The following FOCAD variants were observed in gnomAD, a reference collection of about 807,000 sequenced individuals.
FOCAD encodes focadhesin, also known as KIAA1797.
In FOCAD, 198 loss-of-function variants were observed where a neutral mutation model predicts 225.6. That is an observed-to-expected ratio of 0.88 (90% CI 0.78 to 0.99). The LOEUF (loss-of-function observed/expected upper bound fraction) is 0.99, where lower values mean the gene tolerates loss of function less well. Ranked by LOEUF, FOCAD falls within the 50% of genes least tolerant of loss-of-function variation. The pLI is 0.00. For missense variants in FOCAD, 2,713 were observed against 2,123.6 expected (o/e 1.28, Z -5.46); for synonymous variants, 897 against 755.0 (o/e 1.19, Z -3.08).
At position 20,699,333 on chromosome 9, in the gene FOCAD, C is replaced by T. The variant is rs542674272; in HGVS notation, c.-33+15040C>T. ...TGTAAGTTGCTGGTCTTTGGAGTGG[C>T]TGTTGCTGTTCATCTAGTTGGTCAT... is the stretch of plus-strand genomic sequence containing the variant. On this transcript the variant is annotated intron_variant, in intron 1 of 43. Transcript: ENST00000338382. Among the ~76,000 whole-genome samples the T allele has an allele frequency of 4.6e-5, 7 of 152,156 alleles. No homozygotes were observed. In the South Asian group the frequency reaches 1.5e-3, roughly 32 times the overall value.
At chr9:20,892,822 T>C (rs1831736022) in intron 21 of FOCAD, among the ~76,000 whole-genome samples, 1 of 152,152 alleles carries the variant, frequency 6.6e-6, no homozygotes, top group Non-Finnish European at 1.5e-5. Flanking sequence ...GAGAAATCTT[T>C]TGTGAAAGGA....
At chr9:20,875,340 T>A (rs1229332025) in intron 19 of FOCAD, 5 of 152,952 alleles carry the variant, frequency 3.3e-5, no homozygotes, top group African/African-American at 1.2e-4. Context: ...TATAGGGCCT[T>A]TATCTTTTAA....
chr9:20,758,137 G>C lies in FOCAD; in HGVS notation c.440G>C (p.Cys147Ser). 1 of 1,612,512 alleles carries C rather than the reference G, an allele frequency of 6.2e-7. No homozygotes were observed. Among genetic ancestry groups the C allele is most frequent in the Non-Finnish European group, 8.5e-7 (1 of 1,179,340 alleles). The change falls in exon 6 of 44, where the codon TGC becomes TCC. Residue 147 changes from cysteine to serine, a missense_variant. Physicochemically the swap from Cys to Ser is moderately radical, Grantham distance 112. Coordinates refer to ENST00000338382, the MANE Select transcript of FOCAD (RefSeq NM_001375567.1). Reference sequence around the variant, plus strand: ...ACTGTGCTTGAACACAGACCTGATTGCTGGCCAGTGTTTTTGCAGCAGCTG... The same window carrying C: ...ACTGTGCTTGAACACAGACCTGATTCCTGGCCAGTGTTTTTGCAGCAGCTG... Reference protein sequence around the residue: ...LITVLEHRPDCWPVFLQQLTA... With the variant: ...LITVLEHRPDSWPVFLQQLTA...
intron 26 of FOCAD, chr9:20,929,115 G>A (rs568167919): frequency 1.1e-4 from 44 of 410,882 alleles, no homozygotes; most frequent in South Asian, 1.0e-3. Context: ...AAAGGAAGAC[G>A]CTTGTAATTT....
intron 5 of FOCAD, among the ~76,000 whole-genome samples, chr9:20,752,544 C>A (rs1417313464): frequency 6.6e-6 from 1 of 152,122 alleles, no homozygotes; most frequent in Non-Finnish European, 1.5e-5. Context: ...CAGTACCATG[C>A]TGTTTTGGTT....
chr9:20,944,753 C>T lies in FOCAD; in HGVS notation c.3534C>T (p.Ser1178=). The T allele has an allele frequency of 6.2e-7, 1 of 1,613,260 alleles. No individual in the cohort carries two copies. Among genetic ancestry groups the T allele is most frequent in the African/African-American group, 1.3e-5 (1 of 75,012 alleles). Residue 1178 remains serine (S), a synonymous_variant, in exon 29 of 44, where the codon AGC becomes AGT. Transcript: ENST00000338382. Reference sequence around the variant, plus strand: ...CTGCGCACGTAGATGACAGCGGGAGCCAGAGCAGAACGTTTCAGGAGGTAA... The same window carrying T: ...CTGCGCACGTAGATGACAGCGGGAGTCAGAGCAGAACGTTTCAGGAGGTAA... ...KLSAHVDDSG[S]QSRTFQEVLA...
intron 1 of FOCAD, among the ~76,000 whole-genome samples, chr9:20,686,716 A>G (rs1480233251): frequency 1.3e-5 from 2 of 152,208 alleles, no homozygotes; most frequent in Non-Finnish European, 1.5e-5. Context: ...TGAGAAATCT[A>G]TAGATCTAGA....
At chr9:20,950,897 A>T in intron 33 of FOCAD, 99 bp from the exon 34 acceptor site, 1 of 992,462 alleles carries the variant, frequency 1.0e-6, no homozygotes, top group Non-Finnish European at 1.6e-6. Flanking sequence ...CAGCCAAGCC[A>T]CCACCTCCTA....
intron 22 of FOCAD, among the ~76,000 whole-genome samples, chr9:20,909,986 A>C (rs919704201): frequency 3.9e-5 from 6 of 152,204 alleles, no homozygotes; most frequent in African/African-American, 1.4e-4. Flanking sequence ...AAATGCACTA[A>C]AAGGTAGATT....
chr9:20,906,262 T>C (rs1832972235), intron 21 of FOCAD, among the ~76,000 whole-genome samples: 1 of 152,052 alleles, frequency 6.6e-6, no homozygotes, highest in African/African-American at 2.4e-5. Context: ...CAATAAAATG[T>C]CCTTAAACAC....
intron 21 of FOCAD, among the ~76,000 whole-genome samples, chr9:20,902,495 G>T (rs1832636203): frequency 6.6e-6 from 1 of 151,852 alleles, no homozygotes; most frequent in Non-Finnish European, 1.5e-5. Flanking sequence ...AATTCTAAAA[G>T]ACTTTGAACA....
At chr9:20,936,120 CT>C (rs774820805) in intron 28 of FOCAD, among the ~76,000 whole-genome samples, 48 of 152,192 alleles carry the variant, frequency 3.2e-4, no homozygotes, top group Non-Finnish European at 5.9e-4. Flanking sequence ...GTTTTTTAGA[CT>C]TCCATGCGTT....
chr9:20,793,466 T>C (rs1322929743), intron 11 of FOCAD, among the ~76,000 whole-genome samples: 1 of 152,158 alleles, frequency 6.6e-6, no homozygotes, highest in African/African-American at 2.4e-5. Context: ...TGGGCGTTAG[T>C]GTTGGGCTGT....
chr9:20,774,238 G>A (rs1587113515), intron 8 of FOCAD, among the ~76,000 whole-genome samples: 1 of 152,166 alleles, frequency 6.6e-6, no homozygotes, highest in South Asian at 2.1e-4. Context: ...TCTGTTCAAA[G>A]GTAGTTAGCT....
intron 24 of FOCAD, among the ~76,000 whole-genome samples, chr9:20,921,517 T>G (rs1319835839): frequency 6.6e-6 from 1 of 152,204 alleles, no homozygotes; most frequent in Non-Finnish European, 1.5e-5. Context: ...TAGTATGTAT[T>G]GAGTACCTTC....
chr9:20,905,979 A>T (rs1342610726), intron 21 of FOCAD, among the ~76,000 whole-genome samples: 1 of 150,982 alleles, frequency 6.6e-6, no homozygotes, highest in Non-Finnish European at 1.5e-5. Context: ...AGTAATAGAT[A>T]GCAGTAAGAA....
chr9:20,886,718 A>G (rs1432401359), intron 21 of FOCAD, among the ~76,000 whole-genome samples: 2 of 152,184 alleles, frequency 1.3e-5, no homozygotes, highest in Non-Finnish European at 2.9e-5. Flanking sequence ...TGCCAAATGT[A>G]TAGTAGGATT....
intron 35 of FOCAD, among the ~76,000 whole-genome samples, chr9:20,958,371 GT>G (rs983197818): frequency 8.1e-5 from 12 of 147,356 alleles, no homozygotes; most frequent in South Asian, 2.2e-4. Flanking sequence ...TAAGAGGTTG[GT>G]TTTTTTTTTA....
intron 11 of FOCAD, among the ~76,000 whole-genome samples, chr9:20,800,892 G>T (rs1347605847): frequency 6.6e-6 from 1 of 152,158 alleles, no homozygotes; most frequent in East Asian, 1.9e-4. Context: ...TGCTGGTGAG[G>T]AGCTGCATTC....
Sources: gnomAD v4.1 joint callset for allele counts (sites outside exome capture counted in the v4.1 genomes callset) on GRCh38, gnomAD v4.1.1 for gene constraint, MANE v1.5 for transcripts, NCBI Gene and HGNC (gene_info 2026-07-23, HGNC 2026-07-21) for gene names.